Variants in SNX13 observed in about 807,000 individuals in gnomAD.
SNX13 encodes the protein sorting nexin 13, also known as sorting nexin-13.
SNX13 carries 45 observed loss-of-function variants against 133.6 expected under a neutral mutation model. The observed-to-expected ratio is 0.34, with a 90% CI of 0.27 to 0.43. The LOEUF is 0.43. Ranked by LOEUF, SNX13 falls within the 20% of genes least tolerant of loss-of-function variation. The pLI, the probability that SNX13 is intolerant of heterozygous loss-of-function variation, is 1.00. For synonymous variants in SNX13, 414 were observed against 373.9 expected, an observed-to-expected ratio of 1.11 and a Z score of -1.24; for missense variants, 1,032 against 1,145.1, an observed-to-expected ratio of 0.90 and a Z score of 1.43.
chr7:17,886,440 C>T (rs1034472878), intron 5 of SNX13, among the ~76,000 whole-genome samples: 6 of 151,802 alleles, frequency 4.0e-5, no homozygotes, highest in East Asian at 1.9e-4. Flanking sequence ...TAGTGGCGTG[C>T]GCTTATAATA....
chr7:17,856,270 A>T (rs1791871623), intron 9 of SNX13, among the ~76,000 whole-genome samples: 2 of 152,252 alleles, frequency 1.3e-5, no homozygotes, highest in African/African-American at 2.4e-5. Flanking sequence ...TTATAAATTT[A>T]AGGTATCTTT....
In SNX13 at chr7:17,876,589, A is replaced by AG. The variant is rs1301362633; in HGVS notation, c.441-800_441-799insC. Among the ~76,000 whole-genome samples the AG allele has an allele frequency of 8.6e-5, 13 of 151,922 alleles. 1 individual carries two copies. In the East Asian group the frequency reaches 2.5e-3, roughly 29 times the overall value. ...GCTATCTCATCAAAAAAAAAAAAAA[A>AG]AGCCTTAACCATTAGAAATAACTAA... On this transcript the variant is annotated intron_variant, in intron 5 of 25. Transcript: ENST00000428135.
Position 17,843,868 on chromosome 7 carries a change from A to C in SNX13, c.1165+1727T>G, listed in dbSNP as rs531026299. On this transcript the variant is annotated intron_variant, in intron 12 of 25. Transcript: ENST00000428135. ...AACACACTCACACAACCAATGGATC[A>C]AAGAAGAAATCACAAGAGAAATTAG... Among the ~76,000 whole-genome samples the C allele has an allele frequency of 3.9e-5, 6 of 152,210 alleles. No individual in the cohort carries two copies. The East Asian group carries it at 1.2e-3, about 29-fold the overall frequency.
chr7:17,854,540 A>T (rs553594432), intron 9 of SNX13, among the ~76,000 whole-genome samples: 150 of 152,170 alleles, frequency 9.9e-4, no homozygotes, highest in Non-Finnish European at 1.4e-3. Flanking sequence ...TTCCAACAAC[A>T]TGTGCCCATG....
intron 20 of SNX13, among the ~76,000 whole-genome samples, chr7:17,806,601 C>T (rs1239194491): frequency 6.6e-6 from 1 of 151,598 alleles, no homozygotes; most frequent in Non-Finnish European, 1.5e-5. Flanking sequence ...TGTGGATTGC[C>T]AGAAATGAAT....
At chr7:17,805,842 G>T (rs1583475673) in intron 20 of SNX13, among the ~76,000 whole-genome samples, 1 of 152,084 alleles carries the variant, frequency 6.6e-6, no homozygotes, top group Admixed American at 6.6e-5. Flanking sequence ...CCACCAAAAG[G>T]TAAAGCCCAA....
intron 1 of SNX13, among the ~76,000 whole-genome samples, chr7:17,937,868 C>G (rs1004043963): frequency 5.9e-5 from 9 of 152,194 alleles, no homozygotes; most frequent in African/African-American, 2.2e-4. Context: ...AGAATCCAGG[C>G]ACATACTACA....
chr7:17,856,608 T>A (rs1032686516), intron 9 of SNX13, among the ~76,000 whole-genome samples: 1 of 151,640 alleles, frequency 6.6e-6, no homozygotes, highest in Non-Finnish European at 1.5e-5. Flanking sequence ...CTGGGCAACA[T>A]AGTAAGACCC....
chr7:17,897,315 T>C lies in SNX13; in HGVS notation c.125+19A>G. The C allele has an allele frequency of 7.5e-7, 1 of 1,338,712 alleles. No homozygotes were observed. The highest frequency in any genetic ancestry group is 1.0e-6 in the Non-Finnish European group (1 of 981,536). The allele number at this position is 1,338,712 out of a possible 1,614,324, so 82.9% of individuals were successfully genotyped here. A position where few individuals can be genotyped will look rare whatever the true frequency, so the allele number is the denominator to read the frequency against. ...AGATATGACACATGAATTATAAAAT[T>C]ATAATTGAGTATACTTACCCACCCA... On this transcript the variant is annotated intron_variant, in intron 2 of 25. Coordinates refer to ENST00000428135, the MANE Select transcript of SNX13 (RefSeq NM_015132.5).
At position 17,845,662 on chromosome 7, in the gene SNX13, A is replaced by G. The variant is rs1691264132; in HGVS notation, c.1098T>C (p.Phe366=). The G allele has an allele frequency of 1.9e-6, 3 of 1,602,056 alleles. No individual in the cohort carries two copies. Among genetic ancestry groups the G allele is most frequent in the South Asian group, 2.3e-5 (2 of 88,116 alleles). The part of the protein sequence containing the change: ...EINTVKLAAN[F]GKLCTVPLDS... ...CCAGGGGGACTGTGCAAAGTTTCCCAAAGTTTGCTGCAAGTTTCACAGTAT... is the reference window on the plus strand; with the variant it reads ...CCAGGGGGACTGTGCAAAGTTTCCCGAAGTTTGCTGCAAGTTTCACAGTAT... Residue 366 remains phenylalanine, a synonymous_variant, in exon 12 of 26, where the codon TTT becomes TTC. Coordinates refer to ENST00000428135, the MANE Select transcript of SNX13 (RefSeq NM_015132.5).
intron 1 of SNX13, among the ~76,000 whole-genome samples, chr7:17,922,204 T>C (rs1440875131): frequency 6.6e-6 from 1 of 152,200 alleles, no homozygotes; most frequent in East Asian, 1.9e-4. Flanking sequence ...ATTTCCACTT[T>C]TGGAGGAGTC....
chr7:17,796,878 G>C lies in SNX13; in HGVS notation c.2575C>G (p.Arg859Gly). 10 of 1,611,098 alleles carry C rather than the reference G, an allele frequency of 6.2e-6. No individual in the cohort carries two copies. The highest frequency in any genetic ancestry group is 8.5e-6 in the Non-Finnish European group (10 of 1,178,128). ...TTTCCTGCTACTCTTGTTCTCATTCGAATACTTTTATCTCTGCATGGAACA... is the reference window on the plus strand; with the variant it reads ...TTTCCTGCTACTCTTGTTCTCATTCCAATACTTTTATCTCTGCATGGAACA... ...EAVPCRDKSI[R>G]MRTRVAGKTK... The change falls in exon 25 of 26, where the codon CGA becomes GGA. Residue 859 changes from arginine (R) to glycine (G), a missense_variant. Arg to Gly is a moderately radical substitution (Grantham distance 125). Coordinates refer to ENST00000428135, the MANE Select transcript of SNX13 (RefSeq NM_015132.5).
At chr7:17,805,248 T>TGCGCGCGCGCGC (rs1401213640) in intron 20 of SNX13, among the ~76,000 whole-genome samples, 1 of 89,322 alleles carries the variant, frequency 1.1e-5, no homozygotes. Flanking sequence ...TGTGTGTGTG[T>TGCGCGCGCGCGC]GTGCGTGCGC....
intron 2 of SNX13, among the ~76,000 whole-genome samples, chr7:17,894,690 T>C (rs2714869): frequency 0.48 from 73,492 of 151,966 alleles, 18,735 homozygotes; most frequent in South Asian, 0.66. Flanking sequence ...AAGCAAAGTG[T>C]TGGAAATCCA....
chr7:17,901,132 C>T (rs776731556), intron 1 of SNX13, among the ~76,000 whole-genome samples: 1 of 152,138 alleles, frequency 6.6e-6, no homozygotes, highest in Admixed American at 6.5e-5. Flanking sequence ...GGGCCTGGAA[C>T]AGGGGCCTCA....
chr7:17,933,097 A>C (rs1460776878), intron 1 of SNX13, among the ~76,000 whole-genome samples: 1 of 152,244 alleles, frequency 6.6e-6, no homozygotes, highest in Admixed American at 6.5e-5. Flanking sequence ...CAAAAGCCTT[A>C]TAAACATTAT....
At chr7:17,826,196 T>G in intron 16 of SNX13, 105 bp from the exon 17 acceptor site, 1 of 624,036 alleles carries the variant, frequency 1.6e-6, no homozygotes, top group Non-Finnish European at 2.7e-6. Flanking sequence ...TTTCCCTGCA[T>G]GTAAACTATA....
chr7:17,909,126 T>A (rs919377373), intron 1 of SNX13, among the ~76,000 whole-genome samples: 2 of 151,042 alleles, frequency 1.3e-5, no homozygotes, highest in Non-Finnish European at 3.0e-5. Context: ...GAAATGCTAA[T>A]CAAAAAAAAA....
rs191213235 is a variant in SNX13, at chr7:17,827,625, G to C, written c.1636-1534C>G. ...ATGGCAAAGACATCAAATTAAATTAGATCTAGTCCATGCTCTACTACCAAT... is the reference window on the plus strand; with the variant it reads ...ATGGCAAAGACATCAAATTAAATTACATCTAGTCCATGCTCTACTACCAAT... On this transcript the variant is annotated intron_variant, in intron 16 of 25. Coordinates refer to ENST00000428135, the MANE Select transcript of SNX13 (RefSeq NM_015132.5). Among the ~76,000 whole-genome samples the C allele has an allele frequency of 1.4e-4, 22 of 151,966 alleles. No individual in the cohort carries two copies. The South Asian group carries it at 1.5e-3, about 10-fold the overall frequency.
Sources: gnomAD v4.1 joint callset for allele counts (sites outside exome capture counted in the v4.1 genomes callset) on GRCh38, gnomAD v4.1.1 for gene constraint, MANE v1.5 for transcripts, NCBI Gene and HGNC (gene_info 2026-07-23, HGNC 2026-07-21) for gene names.